ATRNL1: variants seen among roughly 807,000 people sequenced by gnomAD.
The protein encoded by ATRNL1 is attractin-like protein 1.
Under a neutral mutation model 182.7 loss-of-function variants are expected in ATRNL1, and 95 were observed. The ratio of observed to expected loss-of-function variants is 0.52; its 90% CI spans 0.44 to 0.62. The LOEUF is 0.62. Ranked by LOEUF, ATRNL1 falls within the 20% of genes least tolerant of loss-of-function variation. The pLI, the probability that ATRNL1 is intolerant of heterozygous loss-of-function variation, is 0.00. For synonymous variants in ATRNL1, 576 were observed against 568.3 expected (o/e 1.01, Z -0.19); for missense variants, 1,471 against 1,679.5 (o/e 0.88, Z 2.17).
At chr10:115,207,425 T>G (rs1848843393) in intron 8 of ATRNL1, among the ~76,000 whole-genome samples, 1 of 152,180 alleles carries the variant, frequency 6.6e-6, no homozygotes, top group Admixed American at 6.6e-5. Context: ...TGGTTTGCAC[T>G]TCTCTGATGA....
At chr10:115,818,938 T>A (rs2960665) in intron 27 of ATRNL1, among the ~76,000 whole-genome samples, 2 of 151,986 alleles carry the variant, frequency 1.3e-5, no homozygotes, top group Non-Finnish European at 2.9e-5. Context: ...CAAGAAAACC[T>A]GCAATTACAG....
At chr10:115,653,312 G>A (rs2133885974) in intron 26 of ATRNL1, among the ~76,000 whole-genome samples, 1 of 152,246 alleles carries the variant, frequency 6.6e-6, no homozygotes, top group East Asian at 1.9e-4. Context: ...GTGGCTTTCA[G>A]TATGAAATCC....
intron 22 of ATRNL1, among the ~76,000 whole-genome samples, chr10:115,464,095 A>G (rs1414636): frequency 0.33 from 50,796 of 151,720 alleles, 9,601 homozygotes; most frequent in African/African-American, 0.52. Flanking sequence ...ACTTTCTACT[A>G]TCTTGTCCAG....
intron 24 of ATRNL1, among the ~76,000 whole-genome samples, chr10:115,478,183 C>CA (rs1848616276): frequency 6.6e-6 from 1 of 151,584 alleles, no homozygotes; most frequent in South Asian, 2.1e-4. Context: ...ACAAGCTTAT[C>CA]AGGTTAAAAC....
chr10:115,635,605 T>C (rs1420522021), intron 26 of ATRNL1, among the ~76,000 whole-genome samples: 1 of 152,180 alleles, frequency 6.6e-6, no homozygotes, highest in Non-Finnish European at 1.5e-5. Flanking sequence ...ATGGATACCC[T>C]GTAACTGAGA....
chr10:115,383,432 C>G (rs1374101684), intron 19 of ATRNL1, among the ~76,000 whole-genome samples: 1 of 151,642 alleles, frequency 6.6e-6, no homozygotes. Flanking sequence ...AGAAAAGTAA[C>G]ATGCATGCTA....
Position 115,601,085 on chromosome 10 carries a change from A to G in ATRNL1, c.3795+51549A>G, listed in dbSNP as rs60681903. On this transcript the variant is annotated intron_variant, in intron 26 of 28. Transcript: ENST00000355044. ...GATATGTTGCATTTTCATTTTTTTC[A>G]TTTCAAAATAAGTTATATTTGCCCT... Among the ~76,000 whole-genome samples the G allele has an allele frequency of 8.7e-3, 1,321 of 151,588 alleles. 30 individuals carry two copies. In the East Asian group the frequency reaches 0.1, roughly 12 times the overall value.
At chr10:115,893,833 A>G (rs557609190) in intron 28 of ATRNL1, among the ~76,000 whole-genome samples, 4 of 152,292 alleles carry the variant, frequency 2.6e-5, no homozygotes, top group Admixed American at 2.6e-4. Flanking sequence ...GAACTCACAG[A>G]TGTTTGGTGT....
intron 28 of ATRNL1, among the ~76,000 whole-genome samples, chr10:115,893,787 AC>A (rs1253619115): frequency 1.1e-4 from 16 of 152,098 alleles, no homozygotes; most frequent in African/African-American, 3.6e-4. Flanking sequence ...CTTCCATAGG[AC>A]CCCCACGCAA....
chr10:115,430,164 TA>T (rs1846089497), intron 21 of ATRNL1, among the ~76,000 whole-genome samples: 1 of 152,206 alleles, frequency 6.6e-6, no homozygotes, highest in African/African-American at 2.4e-5. Flanking sequence ...TATCTTCTTT[TA>T]AAACAGGAAT....
intron 20 of ATRNL1, among the ~76,000 whole-genome samples, chr10:115,421,953 C>T (rs868958001): frequency 6.6e-6 from 1 of 152,090 alleles, no homozygotes; most frequent in Admixed American, 6.5e-5. Context: ...TGAAAGGACT[C>T]CCTATTCAAT....
chr10:115,621,270 T>TAG (rs1229958568), intron 26 of ATRNL1, among the ~76,000 whole-genome samples: 24 of 55,504 alleles, frequency 4.3e-4, no homozygotes, highest in African/African-American at 1.5e-3. Flanking sequence ...TATATATATA[T>TAG]ATATATAGAG....
At chr10:115,432,862 A>C (rs1391080523) in intron 21 of ATRNL1, among the ~76,000 whole-genome samples, 1 of 152,040 alleles carries the variant, frequency 6.6e-6, no homozygotes, top group Non-Finnish European at 1.5e-5. Context: ...TAACAATTTT[A>C]ACAAAGAAAA....
At chr10:115,621,890 C>T (rs1857792164) in intron 26 of ATRNL1, among the ~76,000 whole-genome samples, 1 of 152,098 alleles carries the variant, frequency 6.6e-6, no homozygotes, top group Non-Finnish European at 1.5e-5. Context: ...AATGCGGGTT[C>T]CTTATGAAGG....
chr10:115,401,414 T>C (rs1844558544), intron 20 of ATRNL1, among the ~76,000 whole-genome samples: 1 of 152,048 alleles, frequency 6.6e-6, no homozygotes, highest in Admixed American at 6.6e-5. Flanking sequence ...AAGAAACCCT[T>C]GAAACTAATT....
intron 28 of ATRNL1, among the ~76,000 whole-genome samples, chr10:115,897,905 A>G (rs1246139459): frequency 6.6e-6 from 1 of 151,994 alleles, no homozygotes; most frequent in Non-Finnish European, 1.5e-5. Context: ...TAGCAACATT[A>G]AATATATTCT....
intron 20 of ATRNL1, among the ~76,000 whole-genome samples, chr10:115,404,636 G>A (rs1255746057): frequency 6.6e-6 from 1 of 152,128 alleles, no homozygotes; most frequent in Non-Finnish European, 1.5e-5. Context: ...TGAGTAATTA[G>A]TATTCCCTTA....
intron 25 of ATRNL1, among the ~76,000 whole-genome samples, chr10:115,530,312 A>G (rs1851490908): frequency 6.6e-6 from 1 of 152,154 alleles, no homozygotes; most frequent in Non-Finnish European, 1.5e-5. Flanking sequence ...ATTTTTTTAA[A>G]GAAGATGTAT....
intron 8 of ATRNL1, among the ~76,000 whole-genome samples, chr10:115,209,426 T>C (rs184148914): frequency 6.7e-6 from 1 of 150,308 alleles, no homozygotes; most frequent in African/African-American, 2.4e-5. Context: ...TATTTTGTTT[T>C]TTTTTTTTTC....
Sources: gnomAD v4.1 joint callset for allele counts (sites outside exome capture counted in the v4.1 genomes callset) on GRCh38, gnomAD v4.1.1 for gene constraint, MANE v1.5 for transcripts, NCBI Gene and HGNC (gene_info 2026-07-23, HGNC 2026-07-21) for gene names.